PANK3: variants seen among roughly 807,000 people sequenced by gnomAD.
The protein encoded by PANK3 is pantothenate kinase 3.
In PANK3, 20 loss-of-function variants were observed where a neutral mutation model predicts 39.4. The observed-to-expected ratio is 0.51, with a 90% CI of 0.36 to 0.74. PANK3 has a LOEUF of 0.74. PANK3 is among the 30% of genes least tolerant of loss of function. PANK3 has a pLI of 0.00. For missense variants in PANK3, 265 were observed against 437.0 expected (o/e 0.61, Z 3.51); for synonymous variants, 140 against 157.3 (o/e 0.89, Z 0.82).
chr5:168,572,483 C>G (rs556754156), intron 1 of PANK3, among the ~76,000 whole-genome samples: 1 of 149,258 alleles, frequency 6.7e-6, no homozygotes, highest in South Asian at 2.1e-4. Flanking sequence ...GAGTTAGGAG[C>G]AATGTTTTGA....
chr5:168,559,300 G>T (rs1042204243), intron 5 of PANK3, 143 bp from the exon 6 acceptor site: 48 of 531,140 alleles, frequency 9.0e-5, no homozygotes, highest in African/African-American at 9.0e-4. Context: ...CTACATTCCT[G>T]GCATATAGCT....
intron 1 of PANK3, among the ~76,000 whole-genome samples, chr5:168,573,211 T>G (rs2113031553): frequency 6.6e-6 from 1 of 151,866 alleles, no homozygotes; most frequent in East Asian, 1.9e-4. Flanking sequence ...TTATAACAAT[T>G]TTCTCCTTAA....
At chr5:168,565,868 A>AATATATATAGATATATATATATATAT (rs1759518624) in intron 3 of PANK3, 145 bp downstream of exon 3, 1 of 131,394 alleles carries the variant, frequency 7.6e-6, no homozygotes, top group Non-Finnish European at 1.3e-5. Flanking sequence ...AAAAAAAAAA[A>AATATATATAGATATATATATATATAT]ATATATATAT....
chr5:168,578,471 A>G (rs1217366721), intron 1 of PANK3, among the ~76,000 whole-genome samples: 2 of 152,260 alleles, frequency 1.3e-5, no homozygotes, highest in Non-Finnish European at 2.9e-5. Flanking sequence ...GCTATACTTA[A>G]AAAGAGTGAC....
chr5:168,569,180 G>GTTTTTTT (rs544747926), intron 1 of PANK3, among the ~76,000 whole-genome samples, 182 bp from the exon 2 acceptor site: 3 of 115,938 alleles, frequency 2.6e-5, no homozygotes, highest in African/African-American at 3.8e-5. Flanking sequence ...TCCCTTCAAA[G>GTTTTTTT]TTTTTTTTTT....
At chr5:168,579,215 G>T in intron 1 of PANK3, 41 bp downstream of exon 1, 2 of 1,481,110 alleles carry the variant, frequency 1.4e-6, no homozygotes, top group African/African-American at 1.5e-5. Flanking sequence ...CGGGGCCCAA[G>T]GGTGCCCTCC....
chr5:168,573,368 G>GAA (rs999942295), intron 1 of PANK3, among the ~76,000 whole-genome samples: 23 of 76,930 alleles, frequency 3.0e-4, no homozygotes, highest in African/African-American at 1.0e-3. Context: ...CTTTATGCCA[G>GAA]AAAAATAATC....
At chr5:168,577,586 G>A (rs887729511) in intron 1 of PANK3, among the ~76,000 whole-genome samples, 6 of 151,640 alleles carry the variant, frequency 4.0e-5, no homozygotes, top group Non-Finnish European at 5.9e-5. Flanking sequence ...CGATTCTCCC[G>A]CCTCGGCCTC....
Position 168,561,394 on chromosome 5 carries a change from T to A in PANK3, c.935A>T (p.Glu312Val). 1.3e-6 allele frequency: 2 copies of A among 1,576,546 alleles called. No individual in the cohort carries two copies. Among genetic ancestry groups the A allele is most frequent in the Non-Finnish European group, 1.7e-6 (2 of 1,164,868 alleles). Residue 312 changes from glutamate to valine, a missense_variant and splice_region_variant, in exon 5 of 7, where the codon GAG (glutamate) becomes GTG (valine). Coordinates refer to ENST00000239231, the MANE Select transcript of PANK3 (RefSeq NM_024594.4). The stretch of plus-strand genomic sequence containing the variant: ...GTTTTGTGTTTTTTGTTTTTTTACC[T>A]CATTAACAGCACACATTCGTGCCAC... Reference protein sequence around the residue: ...GSVARMCAVNEKINRVVFVGN... With the variant: ...GSVARMCAVNVKINRVVFVGN...
At position 168,551,402 on chromosome 5, in the gene PANK3, A is replaced by T. The variant is rs1759270398; in HGVS notation, c.*6169T>A. ...TTAAGTTAAATTCAAAATAATGTAC[A>T]CTCATTTTCATTATCCTCTATCAGT... On this transcript the variant is annotated 3_prime_UTR_variant, in exon 7 of 7. Transcript: ENST00000239231. 6.6e-6 allele frequency: 1 copy of T among 152,178 alleles called. No homozygotes were observed. Among genetic ancestry groups the T allele is most frequent in the Admixed American group, 6.6e-5 (1 of 15,266 alleles). The allele number at this position is 152,178 out of a possible 1,614,324, so 9.4% of individuals were successfully genotyped here. A position where few individuals can be genotyped will look rare whatever the true frequency, so the allele number is the denominator to read the frequency against.
Position 168,554,557 on chromosome 5 carries a change from T to C in PANK3, c.*3014A>G, listed in dbSNP as rs1759320603. ...AATGTATGAATTATTAGAGTGGTTA[T>C]TTAGGAGGAAAAGCGTGTAAAGTTA... On this transcript the variant is annotated 3_prime_UTR_variant, in exon 7 of 7. Coordinates refer to ENST00000239231, the MANE Select transcript of PANK3 (RefSeq NM_024594.4). The C allele has an allele frequency of 6.6e-6, 1 of 152,106 alleles. No homozygotes were observed. The allele number at this position is 152,106 out of a possible 1,614,324, so 9.4% of individuals were successfully genotyped here. A position where few individuals can be genotyped will look rare whatever the true frequency, so the allele number is the denominator to read the frequency against.
intron 1 of PANK3, among the ~76,000 whole-genome samples, chr5:168,572,816 C>T (rs978692905): frequency 6.6e-6 from 1 of 151,944 alleles, no homozygotes; most frequent in Non-Finnish European, 1.5e-5. Flanking sequence ...CAGCAAAAAA[C>T]TTTGGGGGTG....
chr5:168,575,169 TTCATTATGCCTTTAACAAAA>T (rs1405295658), intron 1 of PANK3, among the ~76,000 whole-genome samples: 1 of 152,204 alleles, frequency 6.6e-6, no homozygotes, highest in Non-Finnish European at 1.5e-5. Context: ...TCATGACCTG[TTCATTATGCCTTTAACAAAA>T]TAATAGCTCT....
chr5:168,563,816 T>C (rs1759481842), intron 4 of PANK3, 73 bp downstream of exon 4: 6 of 1,383,172 alleles, frequency 4.3e-6, no homozygotes, highest in African/African-American at 1.5e-5. Context: ...TTCTGTTACA[T>C]TGCTTTCCAA....
intron 1 of PANK3, among the ~76,000 whole-genome samples, chr5:168,570,691 A>G (rs1285218863): frequency 6.6e-6 from 1 of 152,198 alleles, no homozygotes; most frequent in African/African-American, 2.4e-5. Flanking sequence ...AAAAGGGGGA[A>G]GTCTAAGGAA....
chr5:168,576,376 C>A (rs1759730833), intron 1 of PANK3, among the ~76,000 whole-genome samples: 1 of 152,202 alleles, frequency 6.6e-6, no homozygotes, highest in South Asian at 2.1e-4. Flanking sequence ...CCTTGTTAAT[C>A]CAGTTACATG....
Position 168,579,355 on chromosome 5 carries a change from T to C in PANK3, c.-72A>G. ...AGAGCAGAGGCGGCGACTCCGGAGG[T>C]GGCTGGGCCGCGCGGCGAGGCCCGG... On this transcript the variant is annotated 5_prime_UTR_variant, in exon 1 of 7. Transcript: ENST00000239231. 3.1e-6 allele frequency: 4 copies of C among 1,302,738 alleles called. No individual in the cohort carries two copies. Among genetic ancestry groups the C allele is most frequent in the South Asian group, 4.5e-5 (2 of 44,902 alleles). 80.7% of individuals were successfully genotyped at this position (1,302,738 alleles called of 1,614,324 possible).
chr5:168,561,085 C>T (rs1249838981), intron 5 of PANK3: 1 of 238,084 alleles, frequency 4.2e-6, no homozygotes, highest in Non-Finnish European at 9.3e-6. Flanking sequence ...AATGCTTTCA[C>T]AAAGTATCTC....
In PANK3 at chr5:168,568,588, C is replaced by T. The variant is rs1019474752; in HGVS notation, c.381+58G>A. ...AATTAAGGAACATGCTAGATGGAAA[C>T]CTACTCTCATATTTAAAAACAGGTA... On this transcript the variant is annotated intron_variant, in intron 2 of 6. Coordinates refer to ENST00000239231, the MANE Select transcript of PANK3 (RefSeq NM_024594.4). 5 of 1,252,662 alleles carry T rather than the reference C, an allele frequency of 4.0e-6. No individual in the cohort carries two copies. The South Asian group carries it at 4.2e-5, about 11-fold the overall frequency. The allele number at this position is 1,252,662 out of a possible 1,614,324, so 77.6% of individuals were successfully genotyped here.
Sources: gnomAD v4.1 joint callset for allele counts (sites outside exome capture counted in the v4.1 genomes callset) on GRCh38, gnomAD v4.1.1 for gene constraint, MANE v1.5 for transcripts, NCBI Gene and HGNC (gene_info 2026-07-23, HGNC 2026-07-21) for gene names.